Variants in CHRNB3 observed in about 807,000 individuals in gnomAD.
CHRNB3 encodes cholinergic receptor nicotinic beta 3 subunit.
In CHRNB3, 37 loss-of-function variants were observed where a neutral mutation model predicts 40.6. The observed-to-expected ratio is 0.91, with a 90% CI of 0.70 to 1.20. CHRNB3 has a LOEUF of 1.20. Among genes scored for constraint, CHRNB3 ranks in the 50% most tolerant of loss-of-function variants. The probability of loss-of-function intolerance (pLI) is 0.00; values close to 1 mark genes in which losing one functional copy is unlikely to be tolerated. For synonymous variants in CHRNB3, 207 were observed against 207.1 expected, an observed-to-expected ratio of 1.00 and a Z score of 0.00; for missense variants, 505 against 551.2, an observed-to-expected ratio of 0.92 and a Z score of 0.84.
intron 1 of CHRNB3, among the ~76,000 whole-genome samples, chr8:42,699,104 C>T (rs1286075391): frequency 6.6e-6 from 1 of 152,210 alleles, no homozygotes; most frequent in Admixed American, 6.6e-5. Context: ...TATTTCCTTA[C>T]ATTTTTTAAC....
At chr8:42,702,289 T>G (rs1421459978) in intron 1 of CHRNB3, among the ~76,000 whole-genome samples, 2 of 152,038 alleles carry the variant, frequency 1.3e-5, no homozygotes, top group African/African-American at 4.8e-5. Context: ...TATATATATT[T>G]ATTTAAAATA....
intron 3 of CHRNB3, among the ~76,000 whole-genome samples, chr8:42,711,816 T>C (rs964883628): frequency 1.3e-5 from 2 of 152,086 alleles, no homozygotes; most frequent in Non-Finnish European, 2.9e-5. Flanking sequence ...ACCCAATAGG[T>C]AGTTTTTCAA....
chr8:42,734,246 C>G (rs1025261966), intron 5 of CHRNB3, among the ~76,000 whole-genome samples: 1 of 106,052 alleles, frequency 9.4e-6, no homozygotes, highest in Non-Finnish European at 1.7e-5. Context: ...GGCGACAGAG[C>G]GAGACTCCAT....
intron 3 of CHRNB3, chr8:42,725,469 T>C (rs1816293305): frequency 1.5e-6 from 1 of 650,554 alleles, no homozygotes; most frequent in South Asian, 1.7e-5. Flanking sequence ...AGATACTTGA[T>C]AAAAATTCCC....
chr8:42,708,659 C>G (rs1266722672), intron 1 of CHRNB3, 58 bp from the exon 2 acceptor site: 4 of 1,576,314 alleles, frequency 2.5e-6, no homozygotes, highest in Non-Finnish European at 2.6e-6. Flanking sequence ...CCATGGGACA[C>G]TCATCCAGGC....
rs760539559 is a variant in CHRNB3 at position 42,708,743 on chromosome 8, G to A, written c.79G>A (p.Glu27Lys). Reference protein sequence around the residue: ...SATTGFNSIAENEDALLRHLF... With the variant: ...SATTGFNSIAKNEDALLRHLF... ...CACCACAGGTTTCAACTCAATCGCC[G>A]AAAATGAAGATGCCCTCCTCAGACA... is the stretch of plus-strand genomic sequence containing the variant. Residue 27 changes from glutamate to lysine, a missense_variant, in exon 2 of 6, where the codon GAA becomes AAA. Coordinates refer to ENST00000289957, the MANE Select transcript of CHRNB3 (RefSeq NM_000749.5). 9.3e-6 allele frequency: 15 copies of A among 1,613,794 alleles called. No individual in the cohort carries two copies. The highest frequency in any genetic ancestry group is 8.8e-5 in the South Asian group (8 of 91,038).
At chr8:42,713,172 G>A (rs1446011349) in intron 3 of CHRNB3, among the ~76,000 whole-genome samples, 1 of 152,004 alleles carries the variant, frequency 6.6e-6, no homozygotes, top group African/African-American at 2.4e-5. Flanking sequence ...ACATAAAGCA[G>A]GGGTCCAGGG....
chr8:42,733,870 C>T (rs1816471132), intron 5 of CHRNB3, among the ~76,000 whole-genome samples: 1 of 150,470 alleles, frequency 6.6e-6, no homozygotes, highest in Admixed American at 6.6e-5. Context: ...GCTGGGATTA[C>T]AGGCATGAGC....
intron 3 of CHRNB3, among the ~76,000 whole-genome samples, chr8:42,719,340 C>T (rs1816178752): frequency 6.6e-6 from 1 of 152,150 alleles, no homozygotes; most frequent in Non-Finnish European, 1.5e-5. Context: ...GTGGTGAACA[C>T]ACATCCTGGC....
intron 3 of CHRNB3, among the ~76,000 whole-genome samples, chr8:42,716,131 ATG>A: frequency 6.6e-6 from 1 of 151,918 alleles, no homozygotes; most frequent in African/African-American, 2.4e-5. Context: ...GCCGGCCACC[ATG>A]CCCAGCTAAT....
At chr8:42,731,598 T>A in intron 4 of CHRNB3, 69 bp from the exon 5 acceptor site, 1 of 1,443,290 alleles carries the variant, frequency 6.9e-7, no homozygotes, top group South Asian at 1.4e-5. Flanking sequence ...AAATAGTCAA[T>A]GCTGGGAAAA....
At chr8:42,720,893 G>T (rs1305986190) in intron 3 of CHRNB3, among the ~76,000 whole-genome samples, 1 of 152,250 alleles carries the variant, frequency 6.6e-6, no homozygotes, top group Non-Finnish European at 1.5e-5. Context: ...ATCCTCCTTT[G>T]CAGGATAGAA....
chr8:42,711,900 A>G (rs985706451), intron 3 of CHRNB3, among the ~76,000 whole-genome samples: 6 of 150,648 alleles, frequency 4.0e-5, no homozygotes, highest in African/African-American at 1.5e-4. Context: ...TTTTGTTCCC[A>G]TCTTTGTGTC....
intron 3 of CHRNB3, chr8:42,725,529 G>C (rs147045407): frequency 1.4e-6 from 1 of 734,720 alleles, no homozygotes; most frequent in Non-Finnish European, 2.4e-6. Context: ...ATTTACTGCA[G>C]TTTGGCACCT....
Position 42,708,883 on chromosome 8 carries a change from G to A in CHRNB3, c.204+15G>A, listed in dbSNP as rs752174978. ...TTGTAGATGTGGTGAGTAATCCTTG[G>A]CACTTGGCTAAAAAGAACATGCATT... On this transcript the variant is annotated intron_variant, in intron 2 of 5. Transcript: ENST00000289957. 3.7e-6 allele frequency: 6 copies of A among 1,604,952 alleles called. No individual in the cohort carries two copies. The highest frequency in any genetic ancestry group is 4.3e-6 in the Non-Finnish European group (5 of 1,175,596).
intron 5 of CHRNB3, 104 bp downstream of exon 5, chr8:42,732,653 G>T: frequency 1.9e-6 from 2 of 1,054,364 alleles, no homozygotes; most frequent in South Asian, 1.8e-5. Flanking sequence ...TAAATGTGAC[G>T]TTATATAAGA....
rs1042851650 is a variant in CHRNB3, at chr8:42,737,237, A to G, written c.*619A>G. On this transcript the variant is annotated 3_prime_UTR_variant, in exon 6 of 6. Coordinates refer to ENST00000289957, the MANE Select transcript of CHRNB3 (RefSeq NM_000749.5). ...CCGAAGCAGGTGTTATTCATGGTTT[A>G]TTCCCAGCATGATAAGGCTTTCAGA... The G allele has an allele frequency of 3.3e-5, 5 of 152,342 alleles. No homozygotes were observed. Among genetic ancestry groups the G allele is most frequent in the African/African-American group, 9.6e-5 (4 of 41,452 alleles). 9.4% of individuals were successfully genotyped at this position (152,342 alleles called of 1,614,324 possible).
At chr8:42,729,802 A>C (rs191009420) in intron 3 of CHRNB3, among the ~76,000 whole-genome samples, 8 of 152,256 alleles carry the variant, frequency 5.3e-5, no homozygotes, top group African/African-American at 1.9e-4. Context: ...TCTGGACCCT[A>C]AAATCTTTGT....
intron 3 of CHRNB3, among the ~76,000 whole-genome samples, chr8:42,726,552 T>G (rs1208026142): frequency 6.7e-6 from 1 of 150,198 alleles, no homozygotes; most frequent in African/African-American, 2.5e-5. Context: ...CAGGCTGGAG[T>G]GCAGTGGCGC....
Sources: allele counts gnomAD v4.1 joint callset (sites outside exome capture counted in the v4.1 genomes callset), GRCh38; gene constraint gnomAD v4.1.1; transcripts MANE v1.5; gene names NCBI Gene and HGNC (gene_info 2026-07-23, HGNC 2026-07-21).